The following CNR2 variants were observed in gnomAD, a reference collection of about 807,000 sequenced individuals.
CNR2 encodes cannabinoid receptor 2 (macrophage).
For synonymous variants in CNR2, 172 were observed against 182.2 expected (o/e 0.94, Z 0.45); for missense variants, 379 against 439.9 (o/e 0.86, Z 1.24).
chr1:23,890,638 G>T (rs1433453771), intron 1 of CNR2, among the ~76,000 whole-genome samples: 2 of 151,794 alleles, frequency 1.3e-5, no homozygotes, highest in Admixed American at 6.6e-5. Flanking sequence ...CCAGCTACTC[G>T]GGAGGCTGAG....
At chr1:23,899,123 C>G (rs1640338487) in intron 1 of CNR2, among the ~76,000 whole-genome samples, 2 of 152,130 alleles carry the variant, frequency 1.3e-5, no homozygotes, top group Non-Finnish European at 2.9e-5. Flanking sequence ...ATCCTCCAAA[C>G]TGCCCTTGGA....
intron 1 of CNR2, among the ~76,000 whole-genome samples, chr1:23,890,270 A>AAG (rs1486831837): frequency 1.4e-5 from 2 of 140,306 alleles, no homozygotes; most frequent in Admixed American, 7.4e-5. Flanking sequence ...AAAAAAAAAA[A>AAG]AAAAGAAAAG....
chr1:23,896,881 G>GTTTTTTTTTTT (rs5773060), intron 1 of CNR2, among the ~76,000 whole-genome samples: 15 of 141,806 alleles, frequency 1.1e-4, no homozygotes, highest in Non-Finnish European at 9.1e-5. Context: ...CACCAGGAGT[G>GTTTTTTTTTTT]TTTTTTTTTT....
chr1:23,873,963 C>T lies in CNR2; in HGVS notation c.*572G>A, dbSNP rs1204200935. Reference sequence around the variant, plus strand: ...GGTCCTCGCCCAAACAACAGGATGCCCCAAACTGAAGGCTTGTCATTTATC... The same window carrying T: ...GGTCCTCGCCCAAACAACAGGATGCTCCAAACTGAAGGCTTGTCATTTATC... On this transcript the variant is annotated 3_prime_UTR_variant, in exon 2 of 2. Coordinates refer to ENST00000374472, the MANE Select transcript of CNR2 (RefSeq NM_001841.3). 3 of 152,996 alleles carry T rather than the reference C, an allele frequency of 2.0e-5. No homozygotes were observed. Among genetic ancestry groups the T allele is most frequent in the African/African-American group, 7.2e-5 (3 of 41,432 alleles). 9.5% of individuals were successfully genotyped at this position (152,996 alleles called of 1,614,324 possible).
At chr1:23,898,274 T>C (rs1290754430) in intron 1 of CNR2, among the ~76,000 whole-genome samples, 1 of 151,116 alleles carries the variant, frequency 6.6e-6, no homozygotes, top group Non-Finnish European at 1.5e-5. Flanking sequence ...CCTGACCTTG[T>C]GATCCGCCCG....
rs1557521041 is a variant in CNR2, at chr1:23,874,762, TG to T, written c.855del (p.Met286CysfsTer36). On this transcript the variant is annotated frameshift_variant, in exon 2 of 2. Coordinates refer to ENST00000374472, the MANE Select transcript of CNR2 (RefSeq NM_001841.3). LOFTEE classifies it low-confidence loss of function (END_TRUNC). ...DQVKKAFAFC[S>X]MLCLINSMVN... is the part of the protein sequence containing the mutation. The stretch of plus-strand genomic sequence containing the variant: ...ACCATGGAGTTGATGAGGCACAGCA[TG>T]GAGCAGAAAGCAAAGGCCTTCTTGA... The T allele has an allele frequency of 1.9e-6, 3 of 1,614,102 alleles. No homozygotes were observed. In the South Asian group the frequency reaches 3.3e-5, roughly 18 times the overall value.
chr1:23,904,424 G>A (rs936551522), intron 1 of CNR2, among the ~76,000 whole-genome samples: 3 of 152,056 alleles, frequency 2.0e-5, no homozygotes, highest in African/African-American at 4.8e-5. Context: ...GATCGGCCTG[G>A]TGCTGCTTCC....
At chr1:23,882,102 T>C (rs1472304100) in intron 1 of CNR2, among the ~76,000 whole-genome samples, 1 of 151,792 alleles carries the variant, frequency 6.6e-6, no homozygotes, top group Non-Finnish European at 1.5e-5. Context: ...TTTGTATTTT[T>C]AGTAGAGATG....
chr1:23,885,150 G>A (rs967857303), intron 1 of CNR2, among the ~76,000 whole-genome samples: 1 of 151,860 alleles, frequency 6.6e-6, no homozygotes, highest in Non-Finnish European at 1.5e-5. Flanking sequence ...CAGTAATCAC[G>A]GAGTTCTGGG....
chr1:23,877,033 C>T (rs761138356), intron 1 of CNR2, among the ~76,000 whole-genome samples: 6 of 151,978 alleles, frequency 3.9e-5, no homozygotes, highest in Non-Finnish European at 8.8e-5. Flanking sequence ...TATAAAGGCC[C>T]GTGAAATTTG....
At chr1:23,910,975 G>A (rs756746176) in intron 1 of CNR2, among the ~76,000 whole-genome samples, 3 of 152,150 alleles carry the variant, frequency 2.0e-5, no homozygotes, top group Admixed American at 6.5e-5. Flanking sequence ...CACTGCTGCT[G>A]AGTCTTGGTT....
At chr1:23,879,715 G>T (rs954820347) in intron 1 of CNR2, among the ~76,000 whole-genome samples, 1 of 151,976 alleles carries the variant, frequency 6.6e-6, no homozygotes, top group African/African-American at 2.4e-5. Context: ...AGTGGGTAAA[G>T]ACATTGATTA....
intron 1 of CNR2, among the ~76,000 whole-genome samples, chr1:23,892,505 T>C (rs1640207497): frequency 6.6e-6 from 1 of 152,194 alleles, no homozygotes; most frequent in Non-Finnish European, 1.5e-5. Flanking sequence ...AATGAATGTC[T>C]ATTAGGAGAA....
At chr1:23,907,408 CA>C (rs58616828) in intron 1 of CNR2, among the ~76,000 whole-genome samples, 76,265 of 98,406 alleles carry the variant, frequency 0.78, 28,781 homozygotes, top group East Asian at 0.91. Context: ...GACCTTGTCT[CA>C]AAAAAAAAAA....
rs191078569 is a variant in CNR2 at position 23,907,359 on chromosome 1, G to C, written c.-46+5887C>G. The stretch of plus-strand genomic sequence containing the variant: ...TGGGACGTGGAGGTTGCAGTGAGCC[G>C]AGATCGCGCCACTATGCTCCAGCCT... On this transcript the variant is annotated intron_variant, in intron 1 of 1. Transcript: ENST00000374472. Among the ~76,000 whole-genome samples, 34 of 146,174 alleles carry C rather than the reference G, an allele frequency of 2.3e-4. No individual in the cohort carries two copies. In the East Asian group the frequency reaches 6.7e-3, roughly 29 times the overall value.
At chr1:23,904,937 A>G (rs1158857246) in intron 1 of CNR2, among the ~76,000 whole-genome samples, 1 of 152,034 alleles carries the variant, frequency 6.6e-6, no homozygotes, top group African/African-American at 2.4e-5. Context: ...CCAGATCCCA[A>G]AGGGTAGAGC....
intron 1 of CNR2, among the ~76,000 whole-genome samples, chr1:23,884,764 C>T (rs1195031007): frequency 6.6e-6 from 1 of 151,962 alleles, no homozygotes; most frequent in Non-Finnish European, 1.5e-5. Flanking sequence ...CCTTTAGTGG[C>T]TCAGCACAAT....
intron 1 of CNR2, among the ~76,000 whole-genome samples, chr1:23,900,560 G>A (rs1427003840): frequency 4.2e-5 from 6 of 143,278 alleles, no homozygotes; most frequent in African/African-American, 1.0e-4. Context: ...AGGCTAGGGT[G>A]CAATGGTGCA....
At chr1:23,901,472 C>T (rs528956069) in intron 1 of CNR2, 2 of 1,549,644 alleles carry the variant, frequency 1.3e-6, no homozygotes, top group East Asian at 4.5e-5. Flanking sequence ...CCGGGCACCT[C>T]AGGCATAGAA....
Sources: allele counts gnomAD v4.1 joint callset (sites outside exome capture counted in the v4.1 genomes callset), GRCh38; gene constraint gnomAD v4.1.1; transcripts MANE v1.5; gene names NCBI Gene and HGNC (gene_info 2026-07-23, HGNC 2026-07-21).